Variants in LRMDA observed in about 807,000 individuals in gnomAD.
The protein encoded by LRMDA is leucine-rich melanocyte differentiation-associated protein.
In LRMDA, 18 loss-of-function variants were observed where a neutral mutation model predicts 29.8. The ratio of observed to expected loss-of-function variants is 0.60; its 90% CI spans 0.42 to 0.90. The LOEUF (loss-of-function observed/expected upper bound fraction) is 0.90, where lower values mean the gene tolerates loss of function less well. LRMDA is among the 40% of genes least tolerant of loss of function. The probability of loss-of-function intolerance (pLI) is 0.00; values close to 1 mark genes in which losing one functional copy is unlikely to be tolerated. For missense variants in LRMDA, 273 were observed against 273.9 expected (o/e 1.00, Z 0.02); for synonymous variants, 125 against 109.4 (o/e 1.14, Z -0.89).
At chr10:76,110,770 A>C (rs552041008) in intron 5 of LRMDA, among the ~76,000 whole-genome samples, 1 of 152,308 alleles carries the variant, frequency 6.6e-6, no homozygotes, top group African/African-American at 2.4e-5. Flanking sequence ...CTCCCCAGCC[A>C]TGTGGAACTG....
At chr10:76,279,697 C>G (rs555818202) in intron 5 of LRMDA, among the ~76,000 whole-genome samples, 20 of 152,138 alleles carry the variant, frequency 1.3e-4, no homozygotes, top group East Asian at 1.2e-3. Context: ...AGGTGCCCAC[C>G]ACCATACCCA....
intron 2 of LRMDA, among the ~76,000 whole-genome samples, chr10:75,842,713 T>C (rs1299198342): frequency 1.3e-5 from 2 of 152,154 alleles, no homozygotes; most frequent in African/African-American, 4.8e-5. Context: ...ATGTCAAATA[T>C]AACGTGGGTC....
At chr10:76,277,690 C>T (rs1373228091) in intron 5 of LRMDA, among the ~76,000 whole-genome samples, 1 of 152,122 alleles carries the variant, frequency 6.6e-6, no homozygotes, top group Non-Finnish European at 1.5e-5. Flanking sequence ...TGAATGGCTT[C>T]TTAATTATCT....
intron 2 of LRMDA, among the ~76,000 whole-genome samples, chr10:75,578,952 A>G (rs1840548832): frequency 6.6e-6 from 1 of 152,216 alleles, no homozygotes; most frequent in Admixed American, 6.5e-5. Flanking sequence ...AAATGCCCAC[A>G]AGAGAAAGCA....
intron 5 of LRMDA, among the ~76,000 whole-genome samples, chr10:76,091,809 C>T (rs1323719846): frequency 6.6e-6 from 1 of 152,110 alleles, no homozygotes; most frequent in East Asian, 1.9e-4. Context: ...CCTCAGCCTC[C>T]TGAGTAGCTG....
intron 2 of LRMDA, among the ~76,000 whole-genome samples, chr10:75,875,520 G>A (rs771989445): frequency 1.1e-4 from 16 of 151,968 alleles, no homozygotes; most frequent in Non-Finnish European, 1.9e-4. Context: ...TGCAACCTCC[G>A]CCTCCCGGGT....
intron 2 of LRMDA, among the ~76,000 whole-genome samples, chr10:75,732,106 G>GT (rs11453292): frequency 0.041 from 6,284 of 152,218 alleles, 418 homozygotes; most frequent in African/African-American, 0.14. Flanking sequence ...GAATTTGTGA[G>GT]TTTTTTTGTG....
At chr10:76,374,133 A>G (rs1426176039) in intron 6 of LRMDA, among the ~76,000 whole-genome samples, 1 of 152,216 alleles carries the variant, frequency 6.6e-6, no homozygotes, top group South Asian at 2.1e-4. Flanking sequence ...CGGATCATTC[A>G]TTATTGTTTC....
At chr10:76,363,955 T>C (rs552937077) in intron 6 of LRMDA, among the ~76,000 whole-genome samples, 58 of 152,178 alleles carry the variant, frequency 3.8e-4, no homozygotes, top group Middle Eastern at 6.8e-3. Context: ...GGAAGATCAC[T>C]TCACCTTTTA....
rs1192012379 is a variant in LRMDA, at chr10:75,782,771, G to C, written c.132-253237G>C. 4 of 1,401,146 alleles carry C rather than the reference G, an allele frequency of 2.9e-6. No individual in the cohort carries two copies. The African/African-American group carries it at 5.8e-5, about 20-fold the overall frequency. 86.8% of individuals were successfully genotyped at this position (1,401,146 alleles called of 1,614,324 possible). On this transcript the variant is annotated intron_variant, in intron 2 of 6. Coordinates refer to ENST00000611255, the MANE Select transcript of LRMDA (RefSeq NM_001305581.2). ...TGCCCTTTGCTGACTGTTGAAGAAAGAGGATCTGGCTGAAAGACCCGCAAC... is the reference window on the plus strand; with the variant it reads ...TGCCCTTTGCTGACTGTTGAAGAAACAGGATCTGGCTGAAAGACCCGCAAC...
intron 2 of LRMDA, among the ~76,000 whole-genome samples, chr10:75,465,763 T>A (rs1844642682): frequency 1.3e-5 from 2 of 152,174 alleles, no homozygotes; most frequent in Non-Finnish European, 1.5e-5. Context: ...GGTAGCAGGC[T>A]CCCCTGTGAA....
At chr10:76,478,344 G>A (rs1049840910) in intron 6 of LRMDA, among the ~76,000 whole-genome samples, 2 of 152,164 alleles carry the variant, frequency 1.3e-5, no homozygotes, top group African/African-American at 4.8e-5. Context: ...AAAACCCAAT[G>A]AGATACCATC....
intron 6 of LRMDA, among the ~76,000 whole-genome samples, chr10:76,341,858 C>T (rs1356836454): frequency 6.6e-6 from 1 of 152,082 alleles, no homozygotes; most frequent in Non-Finnish European, 1.5e-5. Context: ...CAGGAAGACC[C>T]AGGCAGAAAT....
At chr10:75,594,877 T>C (rs1192688632) in intron 2 of LRMDA, among the ~76,000 whole-genome samples, 2 of 152,210 alleles carry the variant, frequency 1.3e-5, no homozygotes, top group Admixed American at 1.3e-4. Flanking sequence ...AGATGAACTT[T>C]AGGTGAGACT....
At chr10:76,262,020 G>T (rs1251928768) in intron 5 of LRMDA, among the ~76,000 whole-genome samples, 1 of 151,806 alleles carries the variant, frequency 6.6e-6, no homozygotes, top group African/African-American at 2.4e-5. Context: ...ATCTCTTGAG[G>T]TTAGGAATTC....
chr10:76,429,115 T>G (rs1842162966), intron 6 of LRMDA, among the ~76,000 whole-genome samples: 1 of 151,806 alleles, frequency 6.6e-6, no homozygotes, highest in Non-Finnish European at 1.5e-5. Context: ...CCTTAACTAG[T>G]TATTTCATCA....
At chr10:76,041,914 A>T (rs1176153086) in intron 3 of LRMDA, among the ~76,000 whole-genome samples, 1 of 152,164 alleles carries the variant, frequency 6.6e-6, no homozygotes, top group Non-Finnish European at 1.5e-5. Flanking sequence ...ACACATTTTT[A>T]AAAAAGGTAC....
chr10:76,182,897 G>A (rs1851079953), intron 5 of LRMDA, among the ~76,000 whole-genome samples: 1 of 152,170 alleles, frequency 6.6e-6, no homozygotes, highest in Non-Finnish European at 1.5e-5. Context: ...AGCATCAAGG[G>A]TAGTCAAAGT....
At chr10:75,534,027 G>A (rs1302228465) in intron 2 of LRMDA, among the ~76,000 whole-genome samples, 1 of 152,182 alleles carries the variant, frequency 6.6e-6, no homozygotes, top group Non-Finnish European at 1.5e-5. Flanking sequence ...GGCTCAGATG[G>A]TGTCCTATAG....
Sources: allele counts gnomAD v4.1 joint callset (sites outside exome capture counted in the v4.1 genomes callset), GRCh38; gene constraint gnomAD v4.1.1; transcripts MANE v1.5; gene names NCBI Gene and HGNC (gene_info 2026-07-23, HGNC 2026-07-21).